SIGLEC8: variants seen among roughly 807,000 people sequenced by gnomAD.
SIGLEC8 encodes sialic acid binding Ig like lectin 8.
Under a neutral mutation model 42.1 loss-of-function variants are expected in SIGLEC8, and 32 were observed. That is an observed-to-expected ratio of 0.76 (90% confidence interval 0.57 to 1.02). SIGLEC8 has a LOEUF of 1.02. Ranked by LOEUF, SIGLEC8 falls within the 50% of genes least tolerant of loss-of-function variation. SIGLEC8 has a pLI of 0.00. For missense variants in SIGLEC8, 611 were observed against 610.2 expected (o/e 1.00, Z -0.01); for synonymous variants, 262 against 260.3 (o/e 1.01, Z -0.06).
Position 51,455,583 on chromosome 19 carries a change from T to G in SIGLEC8, c.886A>C (p.Thr296Pro), listed in dbSNP as rs368651444. 1 of 1,613,886 alleles carries G rather than the reference T, an allele frequency of 6.2e-7. No individual in the cohort carries two copies. The highest frequency in any genetic ancestry group is 1.1e-5 in the South Asian group (1 of 91,064). Residue 296 changes from threonine (T) to proline (P), a missense_variant, in exon 4 of 7, where the codon ACC becomes CCC. Thr to Pro is a conservative substitution (Grantham distance 38). Coordinates refer to ENST00000321424, the MANE Select transcript of SIGLEC8 (RefSeq NM_014442.3). ...GGGCACAGGGTCAGGCTCCCCCGGG[T>G]CCAGCTCAGCCTGGCAGGGGGATTG... Reference protein sequence around the residue: ...NSNPPARLSWTRGSLTLCPSR... With the variant: ...NSNPPARLSWPRGSLTLCPSR...
chr19:51,452,435 CT>C lies in SIGLEC8; in HGVS notation c.1443del (p.Glu482ArgfsTer6). 4.3e-6 allele frequency: 7 copies of C among 1,612,976 alleles called. No individual in the cohort carries two copies. The highest frequency in any genetic ancestry group is 5.9e-6 in the Non-Finnish European group (7 of 1,179,024). Reference protein sequence around the residue: ...SEIKIHKRETAETQACLRNHN... With the variant: ...SEIKIHKRETXETQACLRNHN... ...TGATTCCTCAAACAGGCCTGAGTCT[CT>C]GCAGTTTCTCGCTTGTGGATCTTGA... On this transcript the variant is annotated frameshift_variant, in exon 7 of 7. Coordinates refer to ENST00000321424, the MANE Select transcript of SIGLEC8 (RefSeq NM_014442.3). LOFTEE classifies it low-confidence loss of function (END_TRUNC).
chr19:51,458,068 CA>C lies in SIGLEC8; in HGVS notation c.319del (p.Cys107AlafsTer3). 1 of 1,614,172 alleles carries C rather than the reference CA, an allele frequency of 6.2e-7. No homozygotes were observed. The highest frequency in any genetic ancestry group is 8.5e-7 in the Non-Finnish European group (1 of 1,180,008). ...QLLGDIWSND[C>X]SLSIRDARKR... The stretch of plus-strand genomic sequence containing the variant: ...CCTGGCGTCTCTGATGCTCAGGGAG[CA>C]GTCGTTGCTCCAAATGTCCCCAAGG... On this transcript the variant is annotated frameshift_variant, in exon 1 of 7. Coordinates refer to ENST00000321424, the MANE Select transcript of SIGLEC8 (RefSeq NM_014442.3). LOFTEE classifies it high-confidence loss of function.
At position 51,454,273 on chromosome 19, in the gene SIGLEC8, G is replaced by A. The variant is rs766610522; in HGVS notation, c.1191C>T (p.Gly397=). 1.8e-5 allele frequency: 29 copies of A among 1,613,848 alleles called. No individual in the cohort carries two copies. The highest frequency in any genetic ancestry group is 4.4e-5 in the South Asian group (4 of 91,074). Residue 397 remains glycine, a synonymous_variant, in exon 6 of 7, where the codon GGC becomes GGT. Transcript: ENST00000321424. The surrounding 1 kb of genome is among the most constrained non-coding windows in gnomAD (Gnocchi z 4.7). ...CRKKSARPAA[G]VGDTGMEDAK... ...CATCTTCCATGCCTGTATCCCCCAC[G>A]CCCGCTGCTGGCCTTGCCGATTTCT...
In SIGLEC8 at chr19:51,457,480, G is replaced by A. The variant is rs765103870; in HGVS notation, c.714C>T (p.Thr238=). ...ACTCACAGGACACATCGAGGCGGAC[G>A]GTACTGGTCGTGGTCACACCTGTCC... The part of the protein sequence containing the change: ...LPGTGVTTTS[T]VRLDVSYPPW... Residue 238 remains threonine, a synonymous_variant, in exon 2 of 7, where the codon ACC becomes ACT. Transcript: ENST00000321424. The A allele has an allele frequency of 5.6e-6, 9 of 1,613,632 alleles. No homozygotes were observed. Among genetic ancestry groups the A allele is most frequent in the South Asian group, 5.5e-5 (5 of 91,064 alleles).
Position 51,457,537 on chromosome 19 carries a change from G to A in SIGLEC8, c.657C>T (p.Gly219=), listed in dbSNP as rs1200191608. 1 of 1,613,932 alleles carries A rather than the reference G, an allele frequency of 6.2e-7. No individual in the cohort carries two copies. Among genetic ancestry groups the A allele is most frequent in the African/African-American group, 1.3e-5 (1 of 74,920 alleles). The change falls in exon 2 of 7, where the codon GGC becomes GGT. Residue 219 remains glycine, a synonymous_variant. Transcript: ENST00000321424. ...LTLTPKPQDH[G]TSLTCQVTLP... is the part of the protein sequence containing the mutation. ...AGGTCACCTGACAGGTGAGGCTGGT[G>A]CCGTGGTCCTGGGGCTTTGGGGTAA... is the stretch of plus-strand genomic sequence containing the variant.
Position 51,454,634 on chromosome 19 carries a change from G to T in SIGLEC8, c.1148+50C>A. ...CTCTGGCTTCAGGGATTCTGTTCCC[G>T]GTCTGCCCTGCCCCAGGTCTCTCTC... is the stretch of plus-strand genomic sequence containing the variant. On this transcript the variant is annotated intron_variant, in intron 5 of 6. Coordinates refer to ENST00000321424, the MANE Select transcript of SIGLEC8 (RefSeq NM_014442.3). The surrounding 1 kb of genome is among the most constrained non-coding windows in gnomAD (Gnocchi z 4.7). 1.4e-6 allele frequency: 2 copies of T among 1,466,126 alleles called. No homozygotes were observed. The highest frequency in any genetic ancestry group is 2.3e-5 in the East Asian group (1 of 44,100). 90.8% of individuals were successfully genotyped at this position (1,466,126 alleles called of 1,614,324 possible).
intron 6 of SIGLEC8, chr19:51,453,585 C>T: frequency 2.5e-6 from 1 of 405,604 alleles, no homozygotes; most frequent in Non-Finnish European, 3.3e-6. Flanking sequence ...ATCCTGGCTA[C>T]TTGGGAGGCT....
chr19:51,453,765 A>T (rs1425319887), intron 6 of SIGLEC8: 6 of 984,898 alleles, frequency 6.1e-6, no homozygotes, highest in Non-Finnish European at 7.2e-6. Context: ...ACGAGAGTAA[A>T]TGAGAGAGAA....
Position 51,458,173 on chromosome 19 carries a change from C to G in SIGLEC8, c.215G>C (p.Arg72Thr). 1.2e-6 allele frequency: 2 copies of G among 1,614,126 alleles called. No homozygotes were observed. Among genetic ancestry groups the G allele is most frequent in the Admixed American group, 1.7e-5 (1 of 60,018 alleles). The change falls in exon 1 of 7, where the codon AGA becomes ACA. Residue 72 changes from arginine to threonine, a missense_variant. Transcript: ENST00000321424. ...VHGYWFRAGDRPYQDAPVATN... is the reference protein window; with the variant it reads ...VHGYWFRAGDTPYQDAPVATN... Reference sequence around the variant, plus strand: ...GGCCACTGGAGCGTCTTGGTATGGTCTGTCTCCTGCCCGGAACCAGTAGCC... The same window carrying G: ...GGCCACTGGAGCGTCTTGGTATGGTGTGTCTCCTGCCCGGAACCAGTAGCC...
chr19:51,454,271 A>G lies in SIGLEC8; in HGVS notation c.1193T>C (p.Val398Ala). The G allele has an allele frequency of 1.2e-6, 2 of 1,614,010 alleles. No individual in the cohort carries two copies. The highest frequency in any genetic ancestry group is 1.7e-6 in the Non-Finnish European group (2 of 1,180,008). ...TGCATCTTCCATGCCTGTATCCCCC[A>G]CGCCCGCTGCTGGCCTTGCCGATTT... ...RKKSARPAAG[V>A]GDTGMEDAKA... The change falls in exon 6 of 7, where the codon GTG becomes GCG. Residue 398 changes from valine (V) to alanine (A), a missense_variant. Transcript: ENST00000321424. The surrounding 1 kb of genome is among the most constrained non-coding windows in gnomAD (Gnocchi z 4.7).
At position 51,457,654 on chromosome 19, in the gene SIGLEC8, G is replaced by A; in HGVS notation, c.540C>T (p.Ala180=). The part of the protein sequence containing the change: ...SRNLTCSVPW[A]CKQGTPPMIS... Reference sequence around the variant, plus strand: ...TCATGGGGGGTGTCCCCTGCTTACAGGCCCAGGGCACAGAGCAGGTCAGGT... The same window carrying A: ...TCATGGGGGGTGTCCCCTGCTTACAAGCCCAGGGCACAGAGCAGGTCAGGT... Residue 180 remains alanine, a synonymous_variant, in exon 2 of 7, where the codon GCC becomes GCT. Coordinates refer to ENST00000321424, the MANE Select transcript of SIGLEC8 (RefSeq NM_014442.3). 1 of 1,611,374 alleles carries A rather than the reference G, an allele frequency of 6.2e-7. No individual in the cohort carries two copies. The highest frequency in any genetic ancestry group is 8.5e-7 in the Non-Finnish European group (1 of 1,178,586).
At position 51,455,466 on chromosome 19, in the gene SIGLEC8, C is replaced by T; in HGVS notation, c.1003G>A (p.Gly335Ser). 6.2e-7 allele frequency: 1 copy of T among 1,614,118 alleles called. No homozygotes were observed. Among genetic ancestry groups the T allele is most frequent in the Non-Finnish European group, 8.5e-7 (1 of 1,179,996 alleles). ...EFTCRAQNAQ[G>S]SQHISLSLSL... ...AGGCTCAGGGAAATGTGCTGGGAGCCCTGAGCGTTCTGAGCTCGGCAGGTG... is the reference window on the plus strand; with the variant it reads ...AGGCTCAGGGAAATGTGCTGGGAGCTCTGAGCGTTCTGAGCTCGGCAGGTG... The change falls in exon 4 of 7, where the codon GGC (glycine) becomes AGC (serine). Residue 335 changes from glycine (G) to serine (S), a missense_variant. Gly to Ser is a moderately conservative substitution (Grantham distance 56). Transcript: ENST00000321424.
In SIGLEC8 at chr19:51,457,598, G is replaced by A. The variant is rs200313258; in HGVS notation, c.596C>T (p.Pro199Leu). Residue 199 changes from proline (P) to leucine (L), a missense_variant, in exon 2 of 7, where the codon CCG (proline) becomes CTG (leucine). By Grantham distance (98) the Pro-to-Leu change is moderately conservative. Coordinates refer to ENST00000321424, the MANE Select transcript of SIGLEC8 (RefSeq NM_014442.3). ...ISWIGASVSSPGPTTARSSVL... is the reference protein window; with the variant it reads ...ISWIGASVSSLGPTTARSSVL... Reference sequence around the variant, plus strand: ...TGAGGAGCGGGCAGTAGTGGGGCCCGGGGAGGACACGGAGGCCCCAATCCA... The same window carrying A: ...TGAGGAGCGGGCAGTAGTGGGGCCCAGGGAGGACACGGAGGCCCCAATCCA... 3.5e-4 allele frequency: 564 copies of A among 1,612,956 alleles called. 5 individuals are homozygous for A. In the East Asian group the frequency reaches 0.012, roughly 34 times the overall value.
At chr19:51,456,007 T>TAAGTGGG (rs1989483544) in intron 3 of SIGLEC8, among the ~76,000 whole-genome samples, 1 of 141,380 alleles carries the variant, frequency 7.1e-6, no homozygotes, top group Admixed American at 7.8e-5. Context: ...TTCTCACTCA[T>TAAGTGGG]AAGTGGGAAC....
rs1286383489 is a variant in SIGLEC8 at position 51,457,738 on chromosome 19, G to T, written c.456C>A (p.Ala152=). 3.2e-6 allele frequency: 5 copies of T among 1,570,004 alleles called. No homozygotes were observed. Among genetic ancestry groups the T allele is most frequent in the Middle Eastern group, 1.7e-4 (1 of 5,806 alleles). ...TGAGGATGTCAGGCCTATGGGTCAG[G>T]GCTGGTGAAGATGGGGACACAGGAT... ...KTKQLSVFVT[A]LTHRPDILIL... is the part of the protein sequence containing the mutation. Residue 152 remains alanine (A), a splice_region_variant and synonymous_variant, in exon 2 of 7, where the codon GCC becomes GCA. Transcript: ENST00000321424.
chr19:51,458,384 G>C lies in SIGLEC8; in HGVS notation c.4C>G (p.Leu2Val), dbSNP rs762880853. 6.2e-7 allele frequency: 1 copy of C among 1,611,812 alleles called. No homozygotes were observed. Among genetic ancestry groups the C allele is most frequent in the Non-Finnish European group, 8.5e-7 (1 of 1,178,662 alleles). The change falls in exon 1 of 7, where the codon CTG becomes GTG. Residue 2 changes from leucine to valine, a missense_variant. Physicochemically the swap from Leu to Val is conservative, Grantham distance 32 (BLOSUM62 1). Transcript: ENST00000321424. ...AGGGGCAGCAGCAGCAGCAGCAGCA[G>C]CATGTCTGGGTTTGAAGGCGCCAGG... M[L>V]LLLLLLPLLW...
chr19:51,456,064 G>A (rs905172192), intron 3 of SIGLEC8, among the ~76,000 whole-genome samples: 2 of 141,182 alleles, frequency 1.4e-5, no homozygotes, highest in South Asian at 5.1e-4. Context: ...ATCACACACC[G>A]GGGACTGTTG....
rs1315894327 is a variant in SIGLEC8, at chr19:51,455,010, AATCATTTTGC to A, written c.1052-240_1052-231del. ...CAATTTTGATATTGTGTTCTTGTGGAATCATTTTGCATTCAATTTTAGTTTTTTCAAAAGA... is the reference window on the plus strand; with the variant it reads ...CAATTTTGATATTGTGTTCTTGTGGAATTCAATTTTAGTTTTTTCAAAAGA... On this transcript the variant is annotated intron_variant, in intron 4 of 6. Coordinates refer to ENST00000321424, the MANE Select transcript of SIGLEC8 (RefSeq NM_014442.3). Among the ~76,000 whole-genome samples the A allele has an allele frequency of 1.4e-4, 22 of 152,292 alleles. 1 individual carries two copies. The highest frequency in any genetic ancestry group is 7.8e-4 in the Admixed American group (12 of 15,304).
At chr19:51,453,373 T>C in intron 6 of SIGLEC8, 1 of 985,120 alleles carries the variant, frequency 1.0e-6, no homozygotes, top group Non-Finnish European at 1.2e-6. Flanking sequence ...AGTCTTTAAT[T>C]GAGGGAGGTG....
Sources: allele counts gnomAD v4.1 joint callset (sites outside exome capture counted in the v4.1 genomes callset), GRCh38; gene constraint gnomAD v4.1.1; non-coding constraint Gnocchi (gnomAD v3.1); transcripts MANE v1.5; gene names NCBI Gene and HGNC (gene_info 2026-07-23, HGNC 2026-07-21).